The following ZMYND11 variants were observed in gnomAD, a reference collection of about 807,000 sequenced individuals.
ZMYND11 encodes zinc finger MYND domain-containing protein 11.
ZMYND11 carries 9 observed loss-of-function variants against 84.9 expected under a neutral mutation model. The observed-to-expected ratio is 0.11, with a 90% CI of 0.06 to 0.18. The LOEUF is 0.18. ZMYND11 is among the 10% of genes least tolerant of loss of function. ZMYND11 has a pLI of 1.00. For missense variants in ZMYND11, 409 were observed against 761.0 expected, an observed-to-expected ratio of 0.54 and a Z score of 5.44; for synonymous variants, 250 against 244.1, an observed-to-expected ratio of 1.02 and a Z score of -0.23.
chr10:235,208 AAATTT>A (rs147649137), intron 4 of ZMYND11, among the ~76,000 whole-genome samples: 3,000 of 152,308 alleles, frequency 0.02, 94 homozygotes, highest in African/African-American at 0.068. Flanking sequence ...CTGACTAAAC[AAATTT>A]AATAACTAGA....
intron 10 of ZMYND11, among the ~76,000 whole-genome samples, chr10:243,101 GTCTT>G (rs1416586982): frequency 6.6e-6 from 1 of 152,180 alleles, no homozygotes; most frequent in Non-Finnish European, 1.5e-5. Context: ...GTTAGGGTAA[GTCTT>G]TATGTGAGAT....
At chr10:210,132 T>G in intron 3 of ZMYND11, 84 bp downstream of exon 3, 1 of 1,422,314 alleles carries the variant, frequency 7.0e-7, no homozygotes, top group Non-Finnish European at 9.6e-7. Context: ...AGAAAATCAT[T>G]TTCAGAAGTT....
chr10:209,833 C>A, intron 2 of ZMYND11, 56 bp from the exon 3 acceptor site: 1 of 1,498,796 alleles, frequency 6.7e-7, no homozygotes, highest in Non-Finnish European at 9.1e-7. Flanking sequence ...TATTTTCATT[C>A]ATTTTTAGTT....
chr10:250,021 A>T (rs1242741052), intron 14 of ZMYND11, among the ~76,000 whole-genome samples: 1 of 152,192 alleles, frequency 6.6e-6, no homozygotes, highest in African/African-American at 2.4e-5. Context: ...TAAAAAAACA[A>T]CCTGCACATT....
chr10:205,107 G>C, intron 2 of ZMYND11, among the ~76,000 whole-genome samples: 1 of 152,068 alleles, frequency 6.6e-6, no homozygotes, highest in Admixed American at 6.6e-5. Flanking sequence ...TATGTCTGTA[G>C]CTGATGTTTT....
chr10:204,441 A>T (rs780957789), intron 2 of ZMYND11, among the ~76,000 whole-genome samples: 4 of 152,136 alleles, frequency 2.6e-5, no homozygotes, highest in Admixed American at 6.5e-5. Context: ...GTTTCTGTAT[A>T]TGAATGCTGT....
At chr10:186,553 A>G (rs1938515010) in intron 2 of ZMYND11, among the ~76,000 whole-genome samples, 1 of 147,280 alleles carries the variant, frequency 6.8e-6, no homozygotes, top group South Asian at 2.2e-4. Flanking sequence ...AGGCAGGAGA[A>G]TCACTTGAAT....
intron 1 of ZMYND11, among the ~76,000 whole-genome samples, chr10:177,859 C>A (rs1357935087): frequency 6.6e-6 from 1 of 152,022 alleles, no homozygotes; most frequent in Non-Finnish European, 1.5e-5. Context: ...CTACTACTTG[C>A]GTAAAATATA....
intron 1 of ZMYND11, among the ~76,000 whole-genome samples, chr10:173,270 T>G (rs1845794767): frequency 6.6e-6 from 1 of 152,140 alleles, no homozygotes. Flanking sequence ...ATTTAATACT[T>G]TTGTTCTGTC....
chr10:174,570 C>A (rs972566298), intron 1 of ZMYND11, among the ~76,000 whole-genome samples: 2 of 151,858 alleles, frequency 1.3e-5, no homozygotes, highest in African/African-American at 2.4e-5. Context: ...ATTACAGTGG[C>A]ACATGCTTGT....
chr10:216,612 A>C (rs1000062100), intron 3 of ZMYND11, among the ~76,000 whole-genome samples: 1 of 152,168 alleles, frequency 6.6e-6, no homozygotes, highest in African/African-American at 2.4e-5. Context: ...ACAAAAACAC[A>C]ATCATTTGCC....
At chr10:201,800 G>C (rs1564371869) in intron 2 of ZMYND11, among the ~76,000 whole-genome samples, 1 of 151,816 alleles carries the variant, frequency 6.6e-6, no homozygotes, top group Non-Finnish European at 1.5e-5. Flanking sequence ...AAATGAGGAG[G>C]AAGTTATTGA....
chr10:232,305 C>T (rs1797784101), intron 4 of ZMYND11, among the ~76,000 whole-genome samples: 1 of 152,194 alleles, frequency 6.6e-6, no homozygotes, highest in Non-Finnish European at 1.5e-5. Context: ...CCAGAAATCT[C>T]CTTGAACAGA....
chr10:233,155 C>T (rs964423421), intron 4 of ZMYND11, among the ~76,000 whole-genome samples: 6 of 152,174 alleles, frequency 3.9e-5, no homozygotes, highest in East Asian at 1.9e-4. Context: ...GACCCCATCC[C>T]GCAGCCGATT....
rs188346806 is a variant in ZMYND11 at position 246,669 on chromosome 10, C to T, written c.951-97C>T. On this transcript the variant is annotated intron_variant, in intron 10 of 14. Transcript: ENST00000381604. The stretch of plus-strand genomic sequence containing the variant: ...CTAACAGACGAGAACTGCCACAGGT[C>T]GCACTTTATGGCAGGCAGGGTCCAC... 190 of 1,151,148 alleles carry T rather than the reference C, an allele frequency of 1.7e-4. 1 individual carries two copies. The African/African-American group carries it at 2.5e-3, about 15-fold the overall frequency. 71.3% of individuals were successfully genotyped at this position (1,151,148 alleles called of 1,614,324 possible). A position where few individuals can be genotyped will look rare whatever the true frequency, so the allele number is the denominator to read the frequency against.
intron 2 of ZMYND11, among the ~76,000 whole-genome samples, chr10:186,072 C>T (rs1386246492): frequency 6.6e-6 from 1 of 150,452 alleles, no homozygotes; most frequent in Non-Finnish European, 1.5e-5. Context: ...TGCAGTGGAG[C>T]GATCTCGGCT....
At chr10:236,661 T>G (rs1257811650) in intron 4 of ZMYND11, among the ~76,000 whole-genome samples, 177 bp from the exon 5 acceptor site, 1 of 152,226 alleles carries the variant, frequency 6.6e-6, no homozygotes, top group East Asian at 1.9e-4. Flanking sequence ...CCTTGTTACA[T>G]TAGATGCTGT....
At chr10:172,698 C>G (rs1845639840) in intron 1 of ZMYND11, among the ~76,000 whole-genome samples, 1 of 152,122 alleles carries the variant, frequency 6.6e-6, no homozygotes, top group East Asian at 1.9e-4. Flanking sequence ...TTCATGTAGT[C>G]TCAATCAGAA....
chr10:239,579 C>A, intron 7 of ZMYND11, 54 bp downstream of exon 7: 2 of 1,160,238 alleles, frequency 1.7e-6, no homozygotes, highest in Non-Finnish European at 2.6e-6. Context: ...ATTTACATTC[C>A]ATGTTGAACA....
Sources: gnomAD v4.1 joint callset for allele counts (sites outside exome capture counted in the v4.1 genomes callset) on GRCh38, gnomAD v4.1.1 for gene constraint, MANE v1.5 for transcripts, NCBI Gene and HGNC (gene_info 2026-07-23, HGNC 2026-07-21) for gene names.